MB21D2: variants seen among roughly 807,000 people sequenced by gnomAD.
The protein encoded by MB21D2 is Mab-21 domain containing 2.
Under a neutral mutation model 33.3 loss-of-function variants are expected in MB21D2, and 9 were observed. That is an observed-to-expected ratio of 0.27 (90% confidence interval 0.16 to 0.47). MB21D2 has a LOEUF of 0.47. Among genes scored for constraint, MB21D2 ranks in the 20% least tolerant of loss-of-function variants. MB21D2 has a pLI of 0.99. For synonymous variants in MB21D2, 241 were observed against 236.3 expected, an observed-to-expected ratio of 1.02 and a Z score of -0.18; for missense variants, 540 against 624.6, an observed-to-expected ratio of 0.86 and a Z score of 1.44.
At chr3:192,862,132 A>T (rs559622156) in intron 1 of MB21D2, among the ~76,000 whole-genome samples, 1 of 152,300 alleles carries the variant, frequency 6.6e-6, no homozygotes, top group African/African-American at 2.4e-5. Flanking sequence ...GCATGAACAG[A>T]AGCAGACTCC....
chr3:192,812,220 G>A (rs1252652113), intron 1 of MB21D2, among the ~76,000 whole-genome samples: 2 of 151,938 alleles, frequency 1.3e-5, no homozygotes, highest in East Asian at 1.9e-4. Flanking sequence ...GCTAATTTTT[G>A]TATTTTCAGT....
Position 192,799,751 on chromosome 3 carries a change from CATT to C in MB21D2, c.212-104_212-102del. The C allele has an allele frequency of 8.0e-7, 1 of 1,250,512 alleles. No homozygotes were observed. The highest frequency in any genetic ancestry group is 1.1e-6 in the Non-Finnish European group (1 of 923,788). 77.5% of individuals were successfully genotyped at this position (1,250,512 alleles called of 1,614,324 possible). A position where few individuals can be genotyped will look rare whatever the true frequency, so the allele number is the denominator to read the frequency against. On this transcript the variant is annotated intron_variant, in intron 1 of 1. Coordinates refer to ENST00000392452, the MANE Select transcript of MB21D2 (RefSeq NM_178496.4). The surrounding 1 kb of genome is among the most constrained non-coding windows in gnomAD (Gnocchi z 4.1). ...CTCTGATGTTCCAAGAACCAAAACT[CATT>C]ATCAGTACTAAATCAAATCTCAGGC... is the stretch of plus-strand genomic sequence containing the variant.
At chr3:192,868,414 G>C (rs1258963271) in intron 1 of MB21D2, among the ~76,000 whole-genome samples, 1 of 152,214 alleles carries the variant, frequency 6.6e-6, no homozygotes, top group Non-Finnish European at 1.5e-5. Flanking sequence ...ACAAGGACTA[G>C]TGACATCATT....
At chr3:192,825,073 A>C (rs750833717) in intron 1 of MB21D2, among the ~76,000 whole-genome samples, 5 of 152,140 alleles carry the variant, frequency 3.3e-5, no homozygotes, top group Non-Finnish European at 7.3e-5. Flanking sequence ...GCCCCAATAT[A>C]TTCTACTTTC....
At chr3:192,810,717 C>A (rs1366031497) in intron 1 of MB21D2, among the ~76,000 whole-genome samples, 1 of 151,964 alleles carries the variant, frequency 6.6e-6, no homozygotes, top group Non-Finnish European at 1.5e-5. Flanking sequence ...AAATCCCAGA[C>A]AACCTATCAT....
Position 192,917,812 on chromosome 3 carries a change from T to A in MB21D2, c.29A>T (p.Lys10Met). The A allele has an allele frequency of 1.2e-6, 2 of 1,611,210 alleles. No individual in the cohort carries two copies. The highest frequency in any genetic ancestry group is 1.7e-6 in the Non-Finnish European group (2 of 1,178,876). Reference sequence around the variant, plus strand: ...GTTGTTACAGCCCAGGGAGGCTGCCTTGTTGGCGGTGGGAGCCGCCATCTT... The same window carrying A: ...GTTGTTACAGCCCAGGGAGGCTGCCATGTTGGCGGTGGGAGCCGCCATCTT... MKMAAPTAN[K>M]AASLGCNNKP... The change falls in exon 1 of 2, where the codon AAG becomes ATG. Residue 10 changes from lysine (K) to methionine (M), a missense_variant. Transcript: ENST00000392452.
intron 1 of MB21D2, among the ~76,000 whole-genome samples, chr3:192,873,309 G>A (rs1223770268): frequency 6.6e-6 from 1 of 152,098 alleles, no homozygotes; most frequent in African/African-American, 2.4e-5. Context: ...GACAGTACTC[G>A]ACTGTGGTCC....
At chr3:192,897,292 A>AGTT (rs1714000110) in intron 1 of MB21D2, among the ~76,000 whole-genome samples, 1 of 152,162 alleles carries the variant, frequency 6.6e-6, no homozygotes, top group Non-Finnish European at 1.5e-5. Flanking sequence ...CAAACCAATG[A>AGTT]GCAACAGTGG....
chr3:192,876,619 C>G (rs1713432804), intron 1 of MB21D2, among the ~76,000 whole-genome samples: 1 of 152,200 alleles, frequency 6.6e-6, no homozygotes, highest in African/African-American at 2.4e-5. Context: ...CGCCCTACAT[C>G]CTGAGGCTGA....
intron 1 of MB21D2, among the ~76,000 whole-genome samples, chr3:192,913,196 G>A (rs552838880): frequency 1.3e-5 from 2 of 152,184 alleles, no homozygotes; most frequent in African/African-American, 4.8e-5. Context: ...AGGGGTGTGA[G>A]ACCAGCCTGG....
At chr3:192,905,165 CATCAGGCACAGGCAG>C (rs1714179350) in intron 1 of MB21D2, among the ~76,000 whole-genome samples, 1 of 152,224 alleles carries the variant, frequency 6.6e-6, no homozygotes, top group Non-Finnish European at 1.5e-5. Flanking sequence ...GCTGAATGCC[CATCAGGCACAGGCAG>C]ACTTACAGTC....
intron 1 of MB21D2, among the ~76,000 whole-genome samples, chr3:192,820,303 G>A (rs1186125258): frequency 6.6e-6 from 1 of 151,872 alleles, no homozygotes; most frequent in Non-Finnish European, 1.5e-5. Flanking sequence ...CATTATGAAC[G>A]CTGATCTAAC....
intron 1 of MB21D2, among the ~76,000 whole-genome samples, chr3:192,914,764 AGACCACAGT>A (rs1714427085): frequency 6.6e-6 from 1 of 152,166 alleles, no homozygotes; most frequent in African/African-American, 2.4e-5. Flanking sequence ...CAGACCCCAG[AGACCACAGT>A]GACCACCAGC....
At chr3:192,843,057 G>A (rs1712608252) in intron 1 of MB21D2, among the ~76,000 whole-genome samples, 1 of 152,100 alleles carries the variant, frequency 6.6e-6, no homozygotes, top group Non-Finnish European at 1.5e-5. Flanking sequence ...TGCATGGGAG[G>A]TCTTTTAGCC....
At chr3:192,814,844 G>A (rs1302760083) in intron 1 of MB21D2, among the ~76,000 whole-genome samples, 6 of 143,852 alleles carry the variant, frequency 4.2e-5, no homozygotes, top group East Asian at 4.1e-4. Flanking sequence ...CAGCCTGGGC[G>A]ACAGAGCGAG....
intron 1 of MB21D2, among the ~76,000 whole-genome samples, chr3:192,907,197 T>C (rs1447892613): frequency 6.6e-6 from 1 of 152,162 alleles, no homozygotes; most frequent in Non-Finnish European, 1.5e-5. Flanking sequence ...GGCAAGTACT[T>C]ACCCAGGTCT....
chr3:192,884,287 CT>C (rs1713672332), intron 1 of MB21D2, among the ~76,000 whole-genome samples: 2 of 152,126 alleles, frequency 1.3e-5, no homozygotes, highest in Non-Finnish European at 2.9e-5. Context: ...CTAATCCTCT[CT>C]CCCTTTTAAC....
chr3:192,860,761 A>C (rs1230939393), intron 1 of MB21D2, among the ~76,000 whole-genome samples: 1 of 152,230 alleles, frequency 6.6e-6, no homozygotes, highest in Non-Finnish European at 1.5e-5. Context: ...CTCAGAGGGC[A>C]ACAATGTCTC....
At chr3:192,805,611 T>C (rs76256653) in intron 1 of MB21D2, among the ~76,000 whole-genome samples, 4,970 of 152,316 alleles carry the variant, frequency 0.033, 181 homozygotes, top group East Asian at 0.14. Flanking sequence ...CACTGATATG[T>C]ACGCAAGAAC....
Sources: allele counts gnomAD v4.1 joint callset (sites outside exome capture counted in the v4.1 genomes callset), GRCh38; gene constraint gnomAD v4.1.1; non-coding constraint Gnocchi (gnomAD v3.1); transcripts MANE v1.5; gene names NCBI Gene and HGNC (gene_info 2026-07-23, HGNC 2026-07-21).